IL1RAP: variants seen among roughly 807,000 people sequenced by gnomAD.
The protein encoded by IL1RAP is interleukin 1 receptor accessory protein.
IL1RAP carries 35 observed loss-of-function variants against 60.7 expected under a neutral mutation model. The observed-to-expected ratio is 0.58, with a 90% CI of 0.44 to 0.76. The LOEUF (loss-of-function observed/expected upper bound fraction) is 0.76. Among genes scored for constraint, IL1RAP ranks in the 30% least tolerant of loss-of-function variants. The pLI is 0.00. For synonymous variants in IL1RAP, 268 were observed against 250.9 expected (o/e 1.07, Z -0.64); for missense variants, 572 against 693.9 (o/e 0.82, Z 1.97).
intron 2 of IL1RAP, among the ~76,000 whole-genome samples, chr3:190,560,852 G>A (rs1268272112): frequency 6.6e-6 from 1 of 152,134 alleles, no homozygotes; most frequent in Non-Finnish European, 1.5e-5. Flanking sequence ...CATTGTCGTC[G>A]ATTACAGAGA....
At chr3:190,607,014 T>C (rs1452573121) in intron 4 of IL1RAP, among the ~76,000 whole-genome samples, 2 of 152,144 alleles carry the variant, frequency 1.3e-5, no homozygotes, top group African/African-American at 4.8e-5. Context: ...ATAGAATCTG[T>C]CTTCCACGTG....
At chr3:190,601,720 C>G (rs1448182287) in intron 3 of IL1RAP, among the ~76,000 whole-genome samples, 1 of 152,134 alleles carries the variant, frequency 6.6e-6, no homozygotes, top group Non-Finnish European at 1.5e-5. Flanking sequence ...GCTTCTGAGT[C>G]TGTATCTTGT....
chr3:190,615,734 A>AT (rs1314255665), intron 5 of IL1RAP, among the ~76,000 whole-genome samples: 4 of 24,056 alleles, frequency 1.7e-4, no homozygotes, highest in East Asian at 5.3e-3. Context: ...GTGGTCAAGC[A>AT]TTTTTTATAA....
chr3:190,555,872 G>T (rs1725372321), intron 1 of IL1RAP: 1 of 151,634 alleles, frequency 6.6e-6, no homozygotes, highest in Admixed American at 6.6e-5. Flanking sequence ...ATTCTGTGTT[G>T]GATTTAATTT....
chr3:190,651,652 A>T (rs1734404726), downstream of IL1RAP: 1 of 153,326 alleles, frequency 6.5e-6, no homozygotes, highest in Admixed American at 6.5e-5. Context: ...TTCTGAGATA[A>T]ATCTGAGTAA....
At chr3:190,617,713 C>G (rs1731400504) in intron 5 of IL1RAP, among the ~76,000 whole-genome samples, 4 of 152,102 alleles carry the variant, frequency 2.6e-5, no homozygotes, top group Admixed American at 2.6e-4. Context: ...TTTTTATCAA[C>G]AGTTTATTAT....
At position 190,648,820 on chromosome 3, in the gene IL1RAP, A is replaced by C; in HGVS notation, c.*115A>C. On this transcript the variant is annotated 3_prime_UTR_variant, in exon 12 of 12. Coordinates refer to ENST00000447382, the MANE Select transcript of IL1RAP (RefSeq NM_002182.4). ...GCAAAAATAATGGTCTAAGCCTCCC[A>C]ATAGGGATAAATTTAGGGTGACTGT... 6.9e-7 allele frequency: 1 copy of C among 1,452,232 alleles called. No individual in the cohort carries two copies. Among genetic ancestry groups the C allele is most frequent in the Non-Finnish European group, 9.1e-7 (1 of 1,102,890 alleles). The allele number at this position is 1,452,232 out of a possible 1,614,324, so 90.0% of individuals were successfully genotyped here.
At chr3:190,653,368 G>C (rs1210179418), downstream of IL1RAP, among the ~76,000 whole-genome samples, 1 of 152,152 alleles carries the variant, frequency 6.6e-6, no homozygotes, top group Non-Finnish European at 1.5e-5. Context: ...TTTATCATAT[G>C]CATTTTATAG....
chr3:190,565,584 A>G (rs1160061316), intron 3 of IL1RAP, among the ~76,000 whole-genome samples: 1 of 152,190 alleles, frequency 6.6e-6, no homozygotes, highest in Non-Finnish European at 1.5e-5. Context: ...TGAAACTAGC[A>G]GTAACTTCTA....
intron 9 of IL1RAP, among the ~76,000 whole-genome samples, chr3:190,635,038 T>G (rs1733113734): frequency 6.6e-6 from 1 of 152,144 alleles, no homozygotes; most frequent in Admixed American, 6.5e-5. Context: ...TGGGAAAGCT[T>G]TTAATTATGA....
At chr3:190,575,444 G>A (rs1727355327) in intron 3 of IL1RAP, among the ~76,000 whole-genome samples, 1 of 152,108 alleles carries the variant, frequency 6.6e-6, no homozygotes. Context: ...TATAAATAAG[G>A]CATTATATTG....
At chr3:190,560,223 A>C (rs1375534079) in intron 2 of IL1RAP, among the ~76,000 whole-genome samples, 1 of 152,228 alleles carries the variant, frequency 6.6e-6, no homozygotes, top group Non-Finnish European at 1.5e-5. Flanking sequence ...AAAAGGAAAG[A>C]TCTGAATGGG....
At chr3:190,571,904 C>T (rs1216520079) in intron 3 of IL1RAP, among the ~76,000 whole-genome samples, 1 of 139,518 alleles carries the variant, frequency 7.2e-6, no homozygotes, top group African/African-American at 2.5e-5. Context: ...TGGCCCAAGA[C>T]AATTCTTCTT....
chr3:190,592,946 A>C (rs1185518290), intron 3 of IL1RAP, among the ~76,000 whole-genome samples: 2 of 151,576 alleles, frequency 1.3e-5, no homozygotes, highest in Admixed American at 6.6e-5. Context: ...ATGAAATGAC[A>C]GTCTTTAGGG....
At chr3:190,578,029 G>T (rs1727653283) in intron 3 of IL1RAP, among the ~76,000 whole-genome samples, 1 of 152,196 alleles carries the variant, frequency 6.6e-6, no homozygotes, top group Non-Finnish European at 1.5e-5. Context: ...ATAAACATGG[G>T]AACAATAGAC....
At chr3:190,521,281 A>T (rs1051134402) in intron 1 of IL1RAP, among the ~76,000 whole-genome samples, 6 of 152,084 alleles carry the variant, frequency 3.9e-5, no homozygotes, top group Admixed American at 1.3e-4. Flanking sequence ...TTGTATATGC[A>T]AATGTATACA....
intron 5 of IL1RAP, among the ~76,000 whole-genome samples, chr3:190,612,387 G>A (rs929728): frequency 0.69 from 104,294 of 151,826 alleles, 36,226 homozygotes; most frequent in East Asian, 0.83. Context: ...TTTTAGTTTT[G>A]TTCCCATACA....
In IL1RAP at chr3:190,651,344, T is replaced by TAG. The variant is rs1734389570; in HGVS notation, c.*2639_*2640insAG. On this transcript the variant is annotated 3_prime_UTR_variant, in exon 12 of 12. Transcript: ENST00000447382. ...GGACTCTAATAAAAAATCACTTCAT[T>TAG]GTATTTGGAAACAAAAACATCATTC... is the stretch of plus-strand genomic sequence containing the variant. 2.2e-6 allele frequency: 2 copies of TAG among 900,372 alleles called. No individual in the cohort carries two copies. Among genetic ancestry groups the TAG allele is most frequent in the African/African-American group, 3.6e-5 (2 of 55,468 alleles). The allele number at this position is 900,372 out of a possible 1,614,324, so 55.8% of individuals were successfully genotyped here.
Position 190,564,279 on chromosome 3 carries a change from A to G in IL1RAP, c.-1-10A>G. 2 of 1,588,988 alleles carry G rather than the reference A, an allele frequency of 1.3e-6. No individual in the cohort carries two copies. Among genetic ancestry groups the G allele is most frequent in the African/African-American group, 1.3e-5 (1 of 74,464 alleles). ...AGTGATTTCCCTTACCTTTGTATTT[A>G]TGGTTACAGGATGACACTTCTGTGG... On this transcript the variant is annotated splice_polypyrimidine_tract_variant and intron_variant, in intron 2 of 11. Coordinates refer to ENST00000447382, the MANE Select transcript of IL1RAP (RefSeq NM_002182.4).
Sources: allele counts gnomAD v4.1 joint callset (sites outside exome capture counted in the v4.1 genomes callset), GRCh38; gene constraint gnomAD v4.1.1; transcripts MANE v1.5; gene names NCBI Gene and HGNC (gene_info 2026-07-23, HGNC 2026-07-21).